The following PEDS1 variants were observed in gnomAD, a reference collection of about 807,000 sequenced individuals.
The protein encoded by PEDS1 is plasmanylethanolamine desaturase 1.
A neutral mutation model predicts 35.2 loss-of-function variants in PEDS1; 14 were observed. The observed-to-expected ratio is 0.40, with a 90% CI of 0.26 to 0.62. The LOEUF is 0.62. PEDS1 is among the 20% of genes least tolerant of loss of function. PEDS1 has a pLI of 0.44. For missense variants in PEDS1, 260 were observed against 367.8 expected, an observed-to-expected ratio of 0.71 and a Z score of 2.40; for synonymous variants, 152 against 152.0, an observed-to-expected ratio of 1.00 and a Z score of 0.00.
chr20:50,123,073 A>G lies in PEDS1; in HGVS notation c.*1985T>C, dbSNP rs1012685926. ...CTCTGCACTTTAGCCTGGGTGACAGAGCATGACCCTGTCTCTAAAAACATA... is the reference window on the plus strand; with the variant it reads ...CTCTGCACTTTAGCCTGGGTGACAGGGCATGACCCTGTCTCTAAAAACATA... On this transcript the variant is annotated 3_prime_UTR_variant, in exon 6 of 6. Transcript: ENST00000371652. 3 of 152,200 alleles carry G rather than the reference A, an allele frequency of 2.0e-5. No homozygotes were observed. The highest frequency in any genetic ancestry group is 2.0e-4 in the Admixed American group (3 of 15,264). 9.4% of individuals were successfully genotyped at this position (152,200 alleles called of 1,614,324 possible).
intron 2 of PEDS1, among the ~76,000 whole-genome samples, chr20:50,138,807 G>C (rs982614964): frequency 6.6e-6 from 1 of 152,196 alleles, no homozygotes; most frequent in Non-Finnish European, 1.5e-5. Flanking sequence ...GGGCAGCTTC[G>C]GCTTGGTTAC....
chr20:50,124,873 A>C lies in PEDS1; in HGVS notation c.*185T>G. The C allele has an allele frequency of 1.3e-6, 1 of 785,376 alleles. No homozygotes were observed. Among genetic ancestry groups the C allele is most frequent in the East Asian group, 2.8e-5 (1 of 35,732 alleles). The allele number at this position is 785,376 out of a possible 1,614,324, so 48.7% of individuals were successfully genotyped here. A position where few individuals can be genotyped will look rare whatever the true frequency, so the allele number is the denominator to read the frequency against. ...GAGGAGGGGCCGAGGAAAAAAAAAA[A>C]AAAGAAATGAAAAATCAGTGGCTCA... is the stretch of plus-strand genomic sequence containing the variant. On this transcript the variant is annotated 3_prime_UTR_variant, in exon 6 of 6. Transcript: ENST00000371652.
At position 50,127,758 on chromosome 20, in the gene PEDS1, C is replaced by T. The variant is rs111740673; in HGVS notation, c.691+217G>A. On this transcript the variant is annotated intron_variant, in intron 5 of 5. Transcript: ENST00000371652. ...GGCTGGAATCACAACGCCATGAAGT[C>T]GAGGGAGAGGGCTTTGTCAGTCTCA... 5.9e-3 allele frequency among the ~76,000 whole-genome samples: 894 copies of T among 152,276 alleles called. 11 individuals carry two copies. The highest frequency in any genetic ancestry group is 0.02 in the African/African-American group (832 of 41,562).
chr20:50,125,235 T>C, intron 5 of PEDS1, 56 bp from the exon 6 acceptor site: 1 of 1,599,250 alleles, frequency 6.3e-7, no homozygotes, highest in East Asian at 2.2e-5. Context: ...AAGGGGACAT[T>C]GGAAGAGAGC....
chr20:50,150,213 C>A (rs1335519871), intron 1 of PEDS1, among the ~76,000 whole-genome samples: 1 of 152,154 alleles, frequency 6.6e-6, no homozygotes, highest in Non-Finnish European at 1.5e-5. Flanking sequence ...AAAATGCCAG[C>A]ACAGTGAGGC....
chr20:50,141,140 T>TC (rs2081287983), intron 2 of PEDS1, among the ~76,000 whole-genome samples: 1 of 152,212 alleles, frequency 6.6e-6, no homozygotes, highest in East Asian at 1.9e-4. Flanking sequence ...CAGCCTGGCC[T>TC]CCCAATGTTA....
intron 1 of PEDS1, among the ~76,000 whole-genome samples, chr20:50,152,823 G>A (rs2081418781): frequency 6.6e-6 from 1 of 152,126 alleles, no homozygotes; most frequent in Admixed American, 6.5e-5. Flanking sequence ...CTGGGATCCA[G>A]GAATATGGGG....
chr20:50,131,872 T>C (rs570583312), intron 2 of PEDS1, among the ~76,000 whole-genome samples: 6 of 152,230 alleles, frequency 3.9e-5, no homozygotes, highest in African/African-American at 1.4e-4. Flanking sequence ...GCTGCACATG[T>C]TATTTAGCCT....
At chr20:50,143,691 CT>C in intron 1 of PEDS1, 70 bp from the exon 2 acceptor site, 2 of 1,543,726 alleles carry the variant, frequency 1.3e-6, no homozygotes, top group South Asian at 2.4e-5. Context: ...CCCATGGGAA[CT>C]TTTCTTTTCT....
At chr20:50,125,294 G>A in intron 5 of PEDS1, 115 bp from the exon 6 acceptor site, 1 of 1,388,310 alleles carries the variant, frequency 7.2e-7, no homozygotes, top group Admixed American at 2.1e-5. Flanking sequence ...GTCAGTACAG[G>A]ATAGGACACA....
chr20:50,135,379 C>G (rs971861146), intron 2 of PEDS1, among the ~76,000 whole-genome samples: 2 of 151,934 alleles, frequency 1.3e-5, no homozygotes, highest in African/African-American at 4.8e-5. Flanking sequence ...CATTTCCAGG[C>G]CGGGCACGGT....
Position 50,130,871 on chromosome 20 carries a change from C to G in PEDS1, c.318G>C (p.Leu106=), listed in dbSNP as rs1180591200. 4.3e-6 allele frequency: 7 copies of G among 1,614,168 alleles called. No individual in the cohort carries two copies. Among genetic ancestry groups the G allele is most frequent in the Non-Finnish European group, 5.9e-6 (7 of 1,180,038 alleles). ...WGADTWGSVE[L]PIVGKAFIRP... ...ACATACTCACCTTCCCCACAATGGG[C>G]AGCTCCACAGAGCCCCATGTGTCAG... Residue 106 remains leucine, a synonymous_variant, in exon 3 of 6, where the codon CTG becomes CTC. Coordinates refer to ENST00000371652, the MANE Select transcript of PEDS1 (RefSeq NM_199129.4).
chr20:50,153,659 G>A lies in PEDS1; in HGVS notation c.-22C>T. On this transcript the variant is annotated 5_prime_UTR_variant, in exon 1 of 6. Transcript: ENST00000371652. Reference sequence around the variant, plus strand: ...CCATGGCCACTCGCCCGATCGGCCCGGTGCGCTCTGCTGGCGGCGGCGGCG... The same window carrying A: ...CCATGGCCACTCGCCCGATCGGCCCAGTGCGCTCTGCTGGCGGCGGCGGCG... The A allele has an allele frequency of 8.2e-7, 1 of 1,222,810 alleles. No homozygotes were observed. The highest frequency in any genetic ancestry group is 1.6e-5 in the African/African-American group (1 of 63,942). 75.7% of individuals were successfully genotyped at this position (1,222,810 alleles called of 1,614,324 possible). A position where few individuals can be genotyped will look rare whatever the true frequency, so the allele number is the denominator to read the frequency against.
intron 2 of PEDS1, among the ~76,000 whole-genome samples, chr20:50,136,723 A>AG (rs1357791115): frequency 0.11 from 309 of 2,858 alleles, 2 homozygotes; most frequent in Middle Eastern, 0.25. Context: ...ACTCTGCCTC[A>AG]AAAAAAAAAA....
chr20:50,136,970 C>A (rs1301064301), intron 2 of PEDS1, among the ~76,000 whole-genome samples: 1 of 149,444 alleles, frequency 6.7e-6, no homozygotes, highest in Non-Finnish European at 1.5e-5. Flanking sequence ...GGTTGAGGCT[C>A]CAGTGAGTCG....
intron 1 of PEDS1, among the ~76,000 whole-genome samples, chr20:50,147,899 T>C (rs1601233800): frequency 6.9e-6 from 1 of 145,724 alleles, no homozygotes; most frequent in Admixed American, 6.9e-5. Flanking sequence ...TCTCTAAGAA[T>C]ACAAAAATTA....
rs2081029317 is a variant in PEDS1, at chr20:50,119,016, A to C, written c.*6042T>G. 1 of 152,236 alleles carries C rather than the reference A, an allele frequency of 6.6e-6. No homozygotes were observed. Among genetic ancestry groups the C allele is most frequent in the Non-Finnish European group, 1.5e-5 (1 of 68,032 alleles). The allele number at this position is 152,236 out of a possible 1,614,324, so 9.4% of individuals were successfully genotyped here. A position where few individuals can be genotyped will look rare whatever the true frequency, so the allele number is the denominator to read the frequency against. ...GGAATGCAAATTAAAACCACCTATC[A>C]GATTGGCAAAGAACAAAACATTTGA... On this transcript the variant is annotated 3_prime_UTR_variant, in exon 6 of 6. Transcript: ENST00000371652.
intron 2 of PEDS1, among the ~76,000 whole-genome samples, chr20:50,134,080 G>A (rs2081207479): frequency 1.3e-5 from 2 of 152,236 alleles, no homozygotes; most frequent in South Asian, 4.1e-4. Context: ...GACAGAACTA[G>A]ATCAAGTGTT....
At chr20:50,151,145 A>T in intron 1 of PEDS1, 1 of 850,102 alleles carries the variant, frequency 1.2e-6, no homozygotes, top group Non-Finnish European at 1.7e-6. Flanking sequence ...CACAGTGAGC[A>T]GATAGAAGCA....
Sources: allele counts gnomAD v4.1 joint callset (sites outside exome capture counted in the v4.1 genomes callset), GRCh38; gene constraint gnomAD v4.1.1; transcripts MANE v1.5; gene names NCBI Gene and HGNC (gene_info 2026-07-23, HGNC 2026-07-21).